The following MAGI2 variants were observed in gnomAD, a reference collection of about 807,000 sequenced individuals.
MAGI2 encodes membrane-associated guanylate kinase, WW and PDZ domain-containing protein 2.
Under a neutral mutation model 133.3 loss-of-function variants are expected in MAGI2, and 35 were observed. The observed-to-expected ratio is 0.26, with a 90% CI of 0.20 to 0.35. The LOEUF is 0.35. Among genes scored for constraint, MAGI2 ranks in the 10% least tolerant of loss-of-function variants. The pLI is 1.00. For synonymous variants in MAGI2, 729 were observed against 710.6 expected (o/e 1.03, Z -0.41); for missense variants, 1,636 against 1,863.4 (o/e 0.88, Z 2.25).
At chr7:79,365,585 C>A (rs773966575) in intron 1 of MAGI2, among the ~76,000 whole-genome samples, 2 of 151,836 alleles carry the variant, frequency 1.3e-5, no homozygotes, top group Non-Finnish European at 2.9e-5. Context: ...AGGCCAGGGG[C>A]GGTGGCTCAA....
intron 1 of MAGI2, among the ~76,000 whole-genome samples, chr7:79,198,717 T>C (rs1490351186): frequency 3.3e-5 from 5 of 151,688 alleles, no homozygotes; most frequent in Admixed American, 3.3e-4. Flanking sequence ...TGAAACCCTG[T>C]CTCTACTGAA....
At chr7:78,669,446 A>G (rs1161933653) in intron 2 of MAGI2, among the ~76,000 whole-genome samples, 1 of 152,154 alleles carries the variant, frequency 6.6e-6, no homozygotes, top group Admixed American at 6.5e-5. Context: ...ACCAGCCAAA[A>G]AGAGTCCAGG....
intron 2 of MAGI2, among the ~76,000 whole-genome samples, chr7:78,799,986 T>C (rs62467661): frequency 0.044 from 6,660 of 152,268 alleles, 211 homozygotes; most frequent in Non-Finnish European, 0.065. Context: ...AAATAGATCT[T>C]CCATTACACA....
chr7:78,818,603 G>A (rs246467), intron 2 of MAGI2, among the ~76,000 whole-genome samples: 148,036 of 152,280 alleles, frequency 0.97, 71,980 homozygotes, highest in East Asian at 1. Context: ...TTGAAGTAAG[G>A]AAAAAAGAAG....
intron 1 of MAGI2, among the ~76,000 whole-genome samples, chr7:79,317,116 C>T (rs555167991): frequency 8.0e-5 from 12 of 150,246 alleles, no homozygotes; most frequent in Non-Finnish European, 1.2e-4. Flanking sequence ...TCTGCCTCCC[C>T]GGTTCAAGCT....
At chr7:78,832,495 C>T (rs561356) in intron 2 of MAGI2, among the ~76,000 whole-genome samples, 22,361 of 152,050 alleles carry the variant, frequency 0.15, 1,868 homozygotes, top group Non-Finnish European at 0.19. Context: ...GTTTAGGGGG[C>T]CATCTTTCAT....
chr7:79,357,729 A>G (rs1396363560), intron 1 of MAGI2, among the ~76,000 whole-genome samples: 1 of 152,084 alleles, frequency 6.6e-6, no homozygotes, highest in Non-Finnish European at 1.5e-5. Context: ...CACTTCCCAC[A>G]AGCCTAAAAT....
chr7:78,184,596 T>C (rs995488357), intron 13 of MAGI2: 1 of 152,182 alleles, frequency 6.6e-6, no homozygotes, highest in Non-Finnish European at 1.5e-5. Flanking sequence ...GTTTGAGTAT[T>C]CTGGCTTTCA....
At chr7:78,944,254 T>G (rs532634302) in intron 2 of MAGI2, among the ~76,000 whole-genome samples, 40 of 152,286 alleles carry the variant, frequency 2.6e-4, no homozygotes, top group South Asian at 2.1e-4. Context: ...TCCTCCTCAC[T>G]TCATCCCTCA....
chr7:78,539,479 T>G (rs556372078), intron 3 of MAGI2, among the ~76,000 whole-genome samples: 33 of 123,104 alleles, frequency 2.7e-4, no homozygotes, highest in African/African-American at 7.3e-4. Flanking sequence ...AGTTTTTTTG[T>G]TTTTTTGTTT....
intron 2 of MAGI2, among the ~76,000 whole-genome samples, chr7:78,999,096 A>C (rs1806599422): frequency 6.6e-6 from 1 of 151,986 alleles, no homozygotes; most frequent in Admixed American, 6.6e-5. Flanking sequence ...TGTATATTTC[A>C]CCTGCGTTTA....
At chr7:78,128,704 C>T (rs139819140) in intron 18 of MAGI2, among the ~76,000 whole-genome samples, 5 of 152,122 alleles carry the variant, frequency 3.3e-5, no homozygotes, top group African/African-American at 1.2e-4. Flanking sequence ...AAGTGCATGG[C>T]AATAGATGTA....
chr7:79,200,801 G>A (rs1828546806), intron 1 of MAGI2, among the ~76,000 whole-genome samples: 1 of 151,762 alleles, frequency 6.6e-6, no homozygotes, highest in African/African-American at 2.4e-5. Context: ...CACTCCAACA[G>A]GCAGAATTAC....
At chr7:78,497,746 A>ATCTGTCTGTCTGTCTGTCTGTCTG (rs1195712724) in intron 5 of MAGI2, among the ~76,000 whole-genome samples, 15 of 116,782 alleles carry the variant, frequency 1.3e-4, no homozygotes, top group African/African-American at 4.3e-4. Flanking sequence ...CTATCTATCT[A>ATCTGTCTGTCTGTCTGTCTGTCTG]TCTATCTATC....
At chr7:78,725,243 A>G (rs1820656294) in intron 2 of MAGI2, among the ~76,000 whole-genome samples, 1 of 152,246 alleles carries the variant, frequency 6.6e-6, no homozygotes, top group Non-Finnish European at 1.5e-5. Context: ...TCTATAAGTG[A>G]ATCCAAAGGT....
intron 2 of MAGI2, among the ~76,000 whole-genome samples, chr7:78,786,898 T>C (rs1266728201): frequency 6.6e-6 from 1 of 152,152 alleles, no homozygotes; most frequent in Non-Finnish European, 1.5e-5. Context: ...CAGTGCCTGG[T>C]ACATAATCTG....
chr7:78,951,199 C>T (rs1801845215), intron 2 of MAGI2, among the ~76,000 whole-genome samples: 1 of 151,936 alleles, frequency 6.6e-6, no homozygotes, highest in South Asian at 2.1e-4. Flanking sequence ...TCTTGAACTC[C>T]CAACCTTAAG....
chr7:78,916,037 T>A lies in MAGI2; in HGVS notation c.418+91053A>T, dbSNP rs887996090. 2.0e-5 allele frequency among the ~76,000 whole-genome samples: 3 copies of A among 152,128 alleles called. No individual in the cohort carries two copies. In the South Asian group the frequency reaches 6.2e-4, roughly 31 times the overall value. On this transcript the variant is annotated intron_variant, in intron 2 of 21. Transcript: ENST00000354212. ...TATAAGAGAGATGGATTATGCATAA[T>A]CCTTGATGCATAGTTCACATGTGAG...
At chr7:78,934,158 A>G (rs747232353) in intron 2 of MAGI2, among the ~76,000 whole-genome samples, 21 of 152,102 alleles carry the variant, frequency 1.4e-4, no homozygotes, top group Non-Finnish European at 2.2e-4. Flanking sequence ...CTAAAGTGCA[A>G]TGGTGCAATC....
Sources: gnomAD v4.1 joint callset for allele counts (sites outside exome capture counted in the v4.1 genomes callset) on GRCh38, gnomAD v4.1.1 for gene constraint, MANE v1.5 for transcripts, NCBI Gene and HGNC (gene_info 2026-07-23, HGNC 2026-07-21) for gene names.